The following CTNNA3 variants were observed in gnomAD, a reference collection of about 807,000 sequenced individuals.
CTNNA3 encodes catenin alpha-3.
In CTNNA3, 76 loss-of-function variants were observed where a neutral mutation model predicts 95.7. The ratio of observed to expected loss-of-function variants is 0.79; its 90% CI spans 0.66 to 0.96. CTNNA3 has a LOEUF of 0.96. Ranked by LOEUF, CTNNA3 falls within the 40% of genes least tolerant of loss-of-function variation. The pLI is 0.00. For synonymous variants in CTNNA3, 431 were observed against 374.4 expected (o/e 1.15, Z -1.74); for missense variants, 1,191 against 1,089.8 (o/e 1.09, Z -1.31).
chr10:66,559,067 A>G (rs1465392826), intron 10 of CTNNA3, among the ~76,000 whole-genome samples: 2 of 152,128 alleles, frequency 1.3e-5, no homozygotes, highest in African/African-American at 4.8e-5. Context: ...CTTTTCCTTC[A>G]GGTTCTTATA....
chr10:66,680,130 T>TGA (rs1378664317), intron 9 of CTNNA3, among the ~76,000 whole-genome samples: 1 of 152,062 alleles, frequency 6.6e-6, no homozygotes, highest in Non-Finnish European at 1.5e-5. Flanking sequence ...CCTGAGTAGC[T>TGA]GGGACTACAA....
rs3057678 is a variant in CTNNA3, at chr10:67,350,910, G to GTATATATATATA, written c.580-131052_580-131041dup. On this transcript the variant is annotated intron_variant, in intron 5 of 17. Coordinates refer to ENST00000433211, the MANE Select transcript of CTNNA3 (RefSeq NM_013266.4). Reference sequence around the variant, plus strand: ...AAATCTGTATGTGAAAAAAGTATGTGTATATATATATATATATATATGCAT... The same window carrying GTATATATATATA: ...AAATCTGTATGTGAAAAAAGTATGTGTATATATATATATATATATATATATATATATATGCAT... 3.1e-3 allele frequency among the ~76,000 whole-genome samples: 442 copies of GTATATATATATA among 141,790 alleles called. 4 individuals carry two copies. The highest frequency in any genetic ancestry group is 0.011 in the African/African-American group (422 of 38,686). 93.0% of individuals were successfully genotyped at this position (141,790 alleles called of 152,430 possible).
intron 5 of CTNNA3, among the ~76,000 whole-genome samples, chr10:67,437,922 A>G (rs1846359770): frequency 1.3e-5 from 2 of 152,186 alleles, no homozygotes; most frequent in South Asian, 4.1e-4. Flanking sequence ...GGAGGAAAAT[A>G]AATTAAGATA....
At chr10:67,150,540 C>T (rs568308443) in intron 7 of CTNNA3, among the ~76,000 whole-genome samples, 32 of 152,244 alleles carry the variant, frequency 2.1e-4, no homozygotes, top group African/African-American at 7.2e-4. Context: ...GATTCTCCAA[C>T]GGAGAATTAA....
intron 12 of CTNNA3, among the ~76,000 whole-genome samples, chr10:66,363,968 C>G (rs2092694276): frequency 6.6e-6 from 1 of 152,066 alleles, no homozygotes; most frequent in Admixed American, 6.6e-5. Context: ...TTACAGATGA[C>G]AGAACTAAGG....
intron 5 of CTNNA3, among the ~76,000 whole-genome samples, chr10:67,469,528 A>G (rs1847737155): frequency 6.7e-6 from 1 of 149,428 alleles, no homozygotes; most frequent in African/African-American, 2.5e-5. Context: ...CAAACACCGC[A>G]TGTTCTCACT....
intron 13 of CTNNA3, among the ~76,000 whole-genome samples, chr10:66,228,006 T>A (rs568330902): frequency 1.1e-4 from 17 of 152,134 alleles, no homozygotes; most frequent in Non-Finnish European, 2.2e-4. Flanking sequence ...TTCCGTGGTA[T>A]CTGTTGTAAT....
intron 9 of CTNNA3, among the ~76,000 whole-genome samples, chr10:66,630,905 C>A (rs528514437): frequency 1.3e-5 from 2 of 152,214 alleles, no homozygotes; most frequent in Admixed American, 6.5e-5. Context: ...GGGCTGGGAA[C>A]TGTCAGGGAA....
At chr10:66,293,882 G>A (rs564568614) in intron 12 of CTNNA3, among the ~76,000 whole-genome samples, 17 of 151,920 alleles carry the variant, frequency 1.1e-4, no homozygotes, top group Non-Finnish European at 2.4e-4. Context: ...GGCCAGGCTG[G>A]TCTTGAACTC....
At chr10:66,519,662 G>A (rs1281246742) in intron 11 of CTNNA3, among the ~76,000 whole-genome samples, 2 of 152,034 alleles carry the variant, frequency 1.3e-5, no homozygotes, top group African/African-American at 4.8e-5. Context: ...ATTTCTACTT[G>A]TCCCACTTTT....
At chr10:66,855,232 A>C (rs1843643813) in intron 7 of CTNNA3, among the ~76,000 whole-genome samples, 1 of 151,944 alleles carries the variant, frequency 6.6e-6, no homozygotes, top group Non-Finnish European at 1.5e-5. Flanking sequence ...TGCCCATTAA[A>C]ATTATCTAGC....
intron 7 of CTNNA3, among the ~76,000 whole-genome samples, chr10:67,036,468 A>C (rs1238614184): frequency 6.6e-6 from 1 of 152,136 alleles, no homozygotes; most frequent in Non-Finnish European, 1.5e-5. Flanking sequence ...GTTTGAGATC[A>C]GCCTGGCCAA....
intron 5 of CTNNA3, among the ~76,000 whole-genome samples, chr10:67,385,250 G>T (rs1212150233): frequency 6.6e-6 from 1 of 152,194 alleles, no homozygotes; most frequent in African/African-American, 2.4e-5. Context: ...GCATCCCAGG[G>T]CCTCCTGTGG....
chr10:66,761,537 G>T (rs552644788), intron 9 of CTNNA3, among the ~76,000 whole-genome samples: 84 of 152,166 alleles, frequency 5.5e-4, no homozygotes, highest in African/African-American at 1.9e-3. Context: ...TGATTGTAGT[G>T]CTCAGCATGA....
chr10:67,074,186 C>T (rs982472356), intron 7 of CTNNA3, among the ~76,000 whole-genome samples: 7 of 151,546 alleles, frequency 4.6e-5, no homozygotes, highest in African/African-American at 1.7e-4. Flanking sequence ...GCACGTGCCA[C>T]CATGACCAGC....
chr10:66,197,228 G>C (rs761147635), intron 13 of CTNNA3, among the ~76,000 whole-genome samples: 3 of 151,948 alleles, frequency 2.0e-5, no homozygotes, highest in African/African-American at 4.8e-5. Flanking sequence ...AAACAAAACA[G>C]AGTGTAGACT....
At chr10:67,758,882 C>T (rs1288092733) in intron 1 of CTNNA3, among the ~76,000 whole-genome samples, 2 of 152,138 alleles carry the variant, frequency 1.3e-5, no homozygotes, top group Admixed American at 6.6e-5. Flanking sequence ...ACTGGTATCA[C>T]ACATTTAAGA....
At position 66,495,994 on chromosome 10, in the gene CTNNA3, T is replaced by C. The variant is rs111911814; in HGVS notation, c.1531+24623A>G. Among the ~76,000 whole-genome samples the C allele has an allele frequency of 1.5e-3, 222 of 152,232 alleles. 1 individual carries two copies. The highest frequency in any genetic ancestry group is 5.1e-3 in the African/African-American group (211 of 41,534). On this transcript the variant is annotated intron_variant, in intron 11 of 17. Transcript: ENST00000433211. The stretch of plus-strand genomic sequence containing the variant: ...TTGTTTAGCTTATTTATAGAAACTA[T>C]TTCCACCATGCAGTAATGACAACAA...
At chr10:66,055,874 G>T (rs1219391281) in intron 15 of CTNNA3, among the ~76,000 whole-genome samples, 2 of 132,406 alleles carry the variant, frequency 1.5e-5, no homozygotes, top group Admixed American at 8.9e-5. Flanking sequence ...GTGAGCCAAG[G>T]TCACACCACT....
Sources: gnomAD v4.1 joint callset for allele counts (sites outside exome capture counted in the v4.1 genomes callset) on GRCh38, gnomAD v4.1.1 for gene constraint, MANE v1.5 for transcripts, NCBI Gene and HGNC (gene_info 2026-07-23, HGNC 2026-07-21) for gene names.